Variants in CAPN1 observed in about 807,000 individuals in gnomAD.
The protein encoded by CAPN1 is calpain 1, also known as calpain-1 catalytic subunit.
A neutral mutation model predicts 105.2 loss-of-function variants in CAPN1; 77 were observed. The observed-to-expected ratio is 0.73, with a 90% CI of 0.61 to 0.88. The LOEUF (loss-of-function observed/expected upper bound fraction) is 0.88, where lower values mean the gene tolerates loss of function less well. Ranked by LOEUF, CAPN1 falls within the 40% of genes least tolerant of loss-of-function variation. The probability of loss-of-function intolerance (pLI) is 0.00; values close to 1 mark genes in which losing one functional copy is unlikely to be tolerated. For synonymous variants in CAPN1, 355 were observed against 388.8 expected, an observed-to-expected ratio of 0.91 and a Z score of 1.02; for missense variants, 833 against 976.6, an observed-to-expected ratio of 0.85 and a Z score of 1.96.
chr11:65,189,504 T>C (rs886679830), intron 10 of CAPN1, among the ~76,000 whole-genome samples: 4 of 152,152 alleles, frequency 2.6e-5, no homozygotes, highest in Non-Finnish European at 4.4e-5. Context: ...CTCTCTGACC[T>C]CCACCTTCGA....
intron 7 of CAPN1, 59 bp from the exon 8 acceptor site, chr11:65,187,891 CAAAAA>C: frequency 3.3e-6 from 4 of 1,227,792 alleles, no homozygotes; most frequent in Non-Finnish European, 4.6e-6. Context: ...GACTCTGTCT[CAAAAA>C]AGAAAAAAAA....
chr11:65,209,357 G>T lies in CAPN1; in HGVS notation c.1764G>T (p.Glu588Asp). 6.2e-7 allele frequency: 1 copy of T among 1,613,846 alleles called. No individual in the cohort carries two copies. Among genetic ancestry groups the T allele is most frequent in the Non-Finnish European group, 8.5e-7 (1 of 1,179,816 alleles). Reference sequence around the variant, plus strand: ...TGCGGACCAAGGGCTTCAGCCTAGAGTCGTGCCGCAGCATGGTGAACCTCA... The same window carrying T: ...TGCGGACCAAGGGCTTCAGCCTAGATTCGTGCCGCAGCATGGTGAACCTCA... ...KDLRTKGFSL[E>D]SCRSMVNLMD... Residue 588 changes from glutamate (E) to aspartate (D), a missense_variant, in exon 17 of 22, where the codon GAG (glutamate) becomes GAT (aspartate). By Grantham distance (45) the Glu-to-Asp change is conservative (BLOSUM62 2). Transcript: ENST00000279247. The surrounding 1 kb of genome is among the most constrained non-coding windows in gnomAD (Gnocchi z 4.1).
At chr11:65,199,019 G>A (rs1427769813) in intron 10 of CAPN1, among the ~76,000 whole-genome samples, 2 of 152,148 alleles carry the variant, frequency 1.3e-5, no homozygotes, top group Non-Finnish European at 2.9e-5. Context: ...ATTTTTAGTA[G>A]AGATGGGGTT....
intron 10 of CAPN1, chr11:65,203,760 C>A (rs1185727526): frequency 1.3e-5 from 2 of 152,134 alleles, no homozygotes; most frequent in Non-Finnish European, 2.9e-5. Context: ...CTGTGTTTAA[C>A]CTTTTGAGAA....
chr11:65,211,329 G>T lies in CAPN1; in HGVS notation c.*43G>T. ...CCTTGCCGTGCTCCCCTCCCTCCTC[G>T]TCTGCCAAGCCTCGCCTCCTACCAC... is the stretch of plus-strand genomic sequence containing the variant. On this transcript the variant is annotated 3_prime_UTR_variant, in exon 22 of 22. Coordinates refer to ENST00000279247, the MANE Select transcript of CAPN1 (RefSeq NM_005186.4). 6.2e-7 allele frequency: 1 copy of T among 1,602,944 alleles called. No individual in the cohort carries two copies.
chr11:65,207,634 C>A (rs1031123048), intron 14 of CAPN1, among the ~76,000 whole-genome samples: 3 of 151,872 alleles, frequency 2.0e-5, no homozygotes, highest in African/African-American at 7.2e-5. Context: ...AGACTCAAGC[C>A]GGGCTCAGTG....
In CAPN1 at chr11:65,211,315, TC is replaced by T; in HGVS notation, c.*33del. The T allele has an allele frequency of 6.2e-7, 1 of 1,608,602 alleles. No homozygotes were observed. Among genetic ancestry groups the T allele is most frequent in the Non-Finnish European group, 8.5e-7 (1 of 1,178,128 alleles). ...AGGGACTCGGTCCCCCTTGCCGTGC[TC>T]CCCTCCCTCCTCGTCTGCCAAGCCT... On this transcript the variant is annotated 3_prime_UTR_variant, in exon 22 of 22. Coordinates refer to ENST00000279247, the MANE Select transcript of CAPN1 (RefSeq NM_005186.4).
chr11:65,188,436 G>C lies in CAPN1; in HGVS notation c.952G>C (p.Asp318His). Residue 318 changes from aspartate to histidine, a missense_variant, in exon 9 of 22, where the codon GAC (aspartate) becomes CAC (histidine). Asp to His is a moderately conservative substitution (Grantham distance 81). Transcript: ENST00000279247. This position sits in a 1 kb window ranked among gnomAD's most constrained non-coding sequence, Gnocchi z 5.5. ...SDSSSEWNNV[D>H]PYERDQLRVK... ...CAGCTCCTCAGAGTGGAACAACGTGGACCCATATGAACGGGACCAGCTCCG... is the reference window on the plus strand; with the variant it reads ...CAGCTCCTCAGAGTGGAACAACGTGCACCCATATGAACGGGACCAGCTCCG... 1 of 1,612,748 alleles carries C rather than the reference G, an allele frequency of 6.2e-7. No homozygotes were observed.
chr11:65,210,488 C>A lies in CAPN1; in HGVS notation c.2059+36C>A, dbSNP rs772673031. The A allele has an allele frequency of 7.9e-7, 1 of 1,260,890 alleles. No individual in the cohort carries two copies. The highest frequency in any genetic ancestry group is 1.2e-6 in the Non-Finnish European group (1 of 867,972). 78.1% of individuals were successfully genotyped at this position (1,260,890 alleles called of 1,614,324 possible). A position where few individuals can be genotyped will look rare whatever the true frequency, so the allele number is the denominator to read the frequency against. ...CCAACTGCCTCCCACCCTCCAGCTC[C>A]GTCCCAAACGCGTCCCCCAGGAGCT... On this transcript the variant is annotated intron_variant, in intron 20 of 21. Coordinates refer to ENST00000279247, the MANE Select transcript of CAPN1 (RefSeq NM_005186.4). This position sits in a 1 kb window ranked among gnomAD's most constrained non-coding sequence, Gnocchi z 4.3.
At position 65,211,373 on chromosome 11, in the gene CAPN1, A is replaced by C; in HGVS notation, c.*87A>C. The C allele has an allele frequency of 7.5e-7, 1 of 1,329,924 alleles. No individual in the cohort carries two copies. Among genetic ancestry groups the C allele is most frequent in the Non-Finnish European group, 1.1e-6 (1 of 939,574 alleles). 82.4% of individuals were successfully genotyped at this position (1,329,924 alleles called of 1,614,324 possible). A position where few individuals can be genotyped will look rare whatever the true frequency, so the allele number is the denominator to read the frequency against. On this transcript the variant is annotated 3_prime_UTR_variant, in exon 22 of 22. Coordinates refer to ENST00000279247, the MANE Select transcript of CAPN1 (RefSeq NM_005186.4). ...CTACCACACCACACCAGGCCACCCC[A>C]GCTGCAAGTGCCTTCCTTGGAGCAG...
Position 65,188,638 on chromosome 11 carries a change from C to G in CAPN1, c.1057C>G (p.Leu353Val). Residue 353 changes from leucine (L) to valine (V), a missense_variant, in exon 10 of 22, where the codon CTC (leucine) becomes GTC (valine). Coordinates refer to ENST00000279247, the MANE Select transcript of CAPN1 (RefSeq NM_005186.4). This position sits in a 1 kb window ranked among gnomAD's most constrained non-coding sequence, Gnocchi z 5.5. The part of the protein sequence containing the change: ...REFTRLEICN[L>V]TPDALKSRTI... ...GTTCACCCGCCTGGAGATCTGCAAC[C>G]TCACACCCGACGCCCTCAAGAGCCG... 1 of 1,613,980 alleles carries G rather than the reference C, an allele frequency of 6.2e-7. No homozygotes were observed. Among genetic ancestry groups the G allele is most frequent in the South Asian group, 1.1e-5 (1 of 91,080 alleles).
chr11:65,208,115 G>A lies in CAPN1; in HGVS notation c.1666G>A (p.Gly556Arg), dbSNP rs1330983977. ...NFKALFRQLAGEDMEISVKEL... is the reference protein window; with the variant it reads ...NFKALFRQLAREDMEISVKEL... ...CAAGGCCCTCTTCAGGCAGCTGGCA[G>A]GGGAGGTAGGTTGGGGCATGGCAGG... is the stretch of plus-strand genomic sequence containing the variant. Residue 556 changes from glycine (G) to arginine (R), a missense_variant, in exon 15 of 22, where the codon GGG becomes AGG. Physicochemically the swap from Gly to Arg is moderately radical, Grantham distance 125. Coordinates refer to ENST00000279247, the MANE Select transcript of CAPN1 (RefSeq NM_005186.4). This position sits in a 1 kb window ranked among gnomAD's most constrained non-coding sequence, Gnocchi z 4.1. 6.2e-7 allele frequency: 1 copy of A among 1,608,062 alleles called. No individual in the cohort carries two copies. Among genetic ancestry groups the A allele is most frequent in the Non-Finnish European group, 8.5e-7 (1 of 1,177,368 alleles).
rs1325485483 is a variant in CAPN1 at position 65,187,946 on chromosome 11, G to C, written c.844-9G>C. The C allele has an allele frequency of 2.6e-6, 4 of 1,552,046 alleles. No homozygotes were observed. Among genetic ancestry groups the C allele is most frequent in the Non-Finnish European group, 3.5e-6 (4 of 1,146,412 alleles). On this transcript the variant is annotated splice_polypyrimidine_tract_variant and intron_variant, in intron 7 of 21. Coordinates refer to ENST00000279247, the MANE Select transcript of CAPN1 (RefSeq NM_005186.4). ...GGAAGCTAGCACTGACAGGAGCTCT[G>C]GCAAATAGGTGAACTACCGAGGCCA...
rs1296220004 is a variant in CAPN1 at position 65,208,922 on chromosome 11, C to A, written c.1730-401C>A. 1.5e-5 allele frequency: 4 copies of A among 265,670 alleles called. No individual in the cohort carries two copies. The highest frequency in any genetic ancestry group is 3.0e-5 in the Non-Finnish European group (4 of 134,568). 16.5% of individuals were successfully genotyped at this position (265,670 alleles called of 1,614,324 possible). A position where few individuals can be genotyped will look rare whatever the true frequency, so the allele number is the denominator to read the frequency against. ...GGGCAGACAACTGCTGGCCTCTCAT[C>A]CCCTCCCCTCCCCTTTGCTGCCACT... On this transcript the variant is annotated intron_variant, in intron 16 of 21. Transcript: ENST00000279247. The surrounding 1 kb of genome is among the most constrained non-coding windows in gnomAD (Gnocchi z 4.1).
chr11:65,190,688 T>G (rs78044239), intron 10 of CAPN1, among the ~76,000 whole-genome samples: 1 of 151,362 alleles, frequency 6.6e-6, no homozygotes, highest in Non-Finnish European at 1.5e-5. Flanking sequence ...CTCTTAGCTG[T>G]TTTTTTTGTT....
At chr11:65,186,113 C>T (rs1948629277) in intron 5 of CAPN1, 57 bp from the exon 6 acceptor site, 1 of 1,606,774 alleles carries the variant, frequency 6.2e-7, no homozygotes, top group Non-Finnish European at 8.5e-7. Flanking sequence ...GGGCTCATGA[C>T]TGTCTTCTCA....
In CAPN1 at chr11:65,209,525, G is replaced by T; in HGVS notation, c.1794+138G>T. On this transcript the variant is annotated intron_variant, in intron 17 of 21. Coordinates refer to ENST00000279247, the MANE Select transcript of CAPN1 (RefSeq NM_005186.4). The surrounding 1 kb of genome is among the most constrained non-coding windows in gnomAD (Gnocchi z 4.1). Reference sequence around the variant, plus strand: ...GACACACAGTGCCCCATGCTCAGATGTCTCCCTGGACGTCTTCCTGTTGGT... The same window carrying T: ...GACACACAGTGCCCCATGCTCAGATTTCTCCCTGGACGTCTTCCTGTTGGT... The T allele has an allele frequency of 1.3e-6, 1 of 765,346 alleles. No individual in the cohort carries two copies. The highest frequency in any genetic ancestry group is 2.3e-6 in the Non-Finnish European group (1 of 443,406). 47.4% of individuals were successfully genotyped at this position (765,346 alleles called of 1,614,324 possible).
chr11:65,204,804 C>T lies in CAPN1; in HGVS notation c.1287C>T (p.Arg429=). 6.2e-7 allele frequency: 1 copy of T among 1,612,636 alleles called. No individual in the cohort carries two copies. Among genetic ancestry groups the T allele is most frequent in the East Asian group, 2.2e-5 (1 of 44,858 alleles). ...TCGCCCTTATGCAGAAGCACCGTCG[C>T]CGCGAGCGCCGCTTCGGCCGCGACA... The part of the protein sequence containing the change: ...FVLALMQKHR[R]RERRFGRDME... Residue 429 remains arginine, a synonymous_variant, in exon 11 of 22, where the codon CGC becomes CGT. Coordinates refer to ENST00000279247, the MANE Select transcript of CAPN1 (RefSeq NM_005186.4).
intron 12 of CAPN1, chr11:65,206,086 T>TAAGAGAG (rs564967389): frequency 1.9e-4 from 96 of 505,234 alleles, no homozygotes; most frequent in African/African-American, 1.5e-3. Flanking sequence ...AGCAGTTGCT[T>TAAGAGAG]AAGCTCCGAG....
Sources: gnomAD v4.1 joint callset for allele counts (sites outside exome capture counted in the v4.1 genomes callset) on GRCh38, gnomAD v4.1.1 for gene constraint, Gnocchi (gnomAD v3.1) non-coding constraint, MANE v1.5 for transcripts, NCBI Gene and HGNC (gene_info 2026-07-23, HGNC 2026-07-21) for gene names.